Variants in ZFHX3 observed in about 807,000 individuals in gnomAD.
ZFHX3 encodes the protein zinc finger homeobox protein 3.
A neutral mutation model predicts 279.1 loss-of-function variants in ZFHX3; 42 were observed. The observed-to-expected ratio is 0.15, with a 90% CI of 0.12 to 0.19. ZFHX3 has a LOEUF of 0.19. ZFHX3 is among the 10% of genes least tolerant of loss of function. ZFHX3 has a pLI of 1.00. For synonymous variants in ZFHX3, 2,293 were observed against 1,957.8 expected (o/e 1.17, Z -4.52); for missense variants, 4,981 against 4,754.0 (o/e 1.05, Z -1.40).
chr16:73,223,175 C>T (rs1352224633), intron 5 of ZFHX3, among the ~76,000 whole-genome samples: 1 of 152,010 alleles, frequency 6.6e-6, no homozygotes, highest in Non-Finnish European at 1.5e-5. Context: ...GACTTTTTAG[C>T]TATAACCCCA....
At chr16:72,872,507 G>C (rs2038188965) in intron 4 of ZFHX3, among the ~76,000 whole-genome samples, 1 of 152,124 alleles carries the variant, frequency 6.6e-6, no homozygotes, top group Non-Finnish European at 1.5e-5. Flanking sequence ...ATCCAGGCTG[G>C]AGCACAGTGG....
chr16:73,743,065 C>T (rs560552329), intron 1 of ZFHX3, among the ~76,000 whole-genome samples: 3 of 152,224 alleles, frequency 2.0e-5, no homozygotes, highest in African/African-American at 7.2e-5. Context: ...GACTTGTTTC[C>T]ACACATAAAG....
At chr16:73,523,347 A>C (rs924262821) in intron 2 of ZFHX3, among the ~76,000 whole-genome samples, 44 of 152,292 alleles carry the variant, frequency 2.9e-4, no homozygotes, top group African/African-American at 1.1e-3. Flanking sequence ...GTGGTTTCTG[A>C]ACTCATGACC....
chr16:73,694,575 C>G (rs111311583), intron 1 of ZFHX3, among the ~76,000 whole-genome samples: 2 of 152,104 alleles, frequency 1.3e-5, no homozygotes, highest in African/African-American at 4.8e-5. Context: ...AACTCCCGAC[C>G]TCGTGATCCA....
At chr16:73,308,741 G>C (rs1183710708) in intron 4 of ZFHX3, among the ~76,000 whole-genome samples, 1 of 151,960 alleles carries the variant, frequency 6.6e-6, no homozygotes, top group Admixed American at 6.6e-5. Flanking sequence ...CCATTTTTGA[G>C]AAGACATATG....
intron 5 of ZFHX3, among the ~76,000 whole-genome samples, chr16:72,814,169 G>A (rs1411135181): frequency 6.6e-6 from 1 of 152,072 alleles, no homozygotes; most frequent in Non-Finnish European, 1.5e-5. Flanking sequence ...TAGGCTCAGG[G>A]TATATATAGT....
At position 72,794,373 on chromosome 16, in the gene ZFHX3, A is replaced by G. The variant is rs766358069; in HGVS notation, c.8309T>C (p.Phe2770Ser). The G allele has an allele frequency of 4.4e-6, 7 of 1,602,750 alleles. No homozygotes were observed. ...MKGDIFDGTS[F>S]SHLPPSSSDG... ...ACTACTGCTTGGGGGTAGGTGGGAA[A>G]AGCTAGTTCCGTCAAAAATATCTCC... The change falls in exon 9 of 10, where the codon TTT becomes TCT. Residue 2770 changes from phenylalanine (F) to serine (S), a missense_variant. Transcript: ENST00000268489. The surrounding 1 kb of genome is among the most constrained non-coding windows in gnomAD (Gnocchi z 4.2).
intron 3 of ZFHX3, among the ~76,000 whole-genome samples, chr16:72,948,246 T>C (rs1379579380): frequency 6.6e-6 from 1 of 152,222 alleles, no homozygotes; most frequent in Non-Finnish European, 1.5e-5. Flanking sequence ...AACCTCAGGC[T>C]GGTCACTCCG....
At chr16:73,802,967 G>A (rs1473048413) in intron 1 of ZFHX3, among the ~76,000 whole-genome samples, 1 of 152,032 alleles carries the variant, frequency 6.6e-6, no homozygotes, top group Non-Finnish European at 1.5e-5. Context: ...ACAGGCACAC[G>A]CCACCACACC....
chr16:73,273,549 G>A (rs953047408), intron 4 of ZFHX3, among the ~76,000 whole-genome samples: 8 of 151,864 alleles, frequency 5.3e-5, no homozygotes, highest in Non-Finnish European at 1.0e-4. Flanking sequence ...TTTTCTTTAC[G>A]CAAAGGACTC....
chr16:73,054,629 G>A (rs765607013), intron 1 of ZFHX3, among the ~76,000 whole-genome samples: 1 of 152,026 alleles, frequency 6.6e-6, no homozygotes, highest in Non-Finnish European at 1.5e-5. Flanking sequence ...GAGAGGGGTA[G>A]CTTATTTTAA....
chr16:73,247,243 T>C (rs919464172), intron 5 of ZFHX3, among the ~76,000 whole-genome samples: 14 of 151,896 alleles, frequency 9.2e-5, no homozygotes, highest in Non-Finnish European at 1.9e-4. Flanking sequence ...TATGTACCTG[T>C]ATGTGGAGTA....
chr16:73,742,691 C>A (rs536050796), intron 1 of ZFHX3, among the ~76,000 whole-genome samples: 1 of 152,152 alleles, frequency 6.6e-6, no homozygotes, highest in Non-Finnish European at 1.5e-5. Context: ...GAGCAAGTAA[C>A]CACTGCAAAA....
chr16:72,962,508 G>A (rs560385778), intron 1 of ZFHX3, among the ~76,000 whole-genome samples: 82 of 152,306 alleles, frequency 5.4e-4, no homozygotes, highest in African/African-American at 1.8e-3. Context: ...GACACGGGTC[G>A]GAGAGGAGGA....
chr16:73,685,607 A>G (rs2053074517), intron 1 of ZFHX3, among the ~76,000 whole-genome samples: 1 of 152,244 alleles, frequency 6.6e-6, no homozygotes, highest in South Asian at 2.1e-4. Context: ...TTAAGCCACC[A>G]AGTTTGCGGT....
chr16:73,086,948 T>C (rs1055586438), intron 8 of ZFHX3, among the ~76,000 whole-genome samples: 5 of 151,676 alleles, frequency 3.3e-5, no homozygotes, highest in African/African-American at 1.2e-4. Context: ...AACAACAAAA[T>C]AGCCAGAAGA....
At chr16:73,791,617 G>A (rs534902319) in intron 1 of ZFHX3, among the ~76,000 whole-genome samples, 1 of 151,786 alleles carries the variant, frequency 6.6e-6, no homozygotes, top group South Asian at 2.1e-4. Flanking sequence ...TAGAGATGGG[G>A]TTTCACCATG....
Position 73,246,254 on chromosome 16 carries a change from G to A in ZFHX3, c.-1104+10793C>T, listed in dbSNP as rs146887193. On this transcript the variant is annotated intron_variant, in intron 5 of 17. Transcript: ENST00000641206. ...AGGAGTGAACCATCCTGAACACCAA[G>A]CATGGCTGGCAGCATCAGGTGAGTG... 3.3e-3 allele frequency among the ~76,000 whole-genome samples: 505 copies of A among 152,212 alleles called. 1 individual carries two copies. Among genetic ancestry groups the A allele is most frequent in the African/African-American group, 0.011 (444 of 41,530 alleles).
chr16:73,175,154 C>T (rs927106735), intron 5 of ZFHX3, among the ~76,000 whole-genome samples: 14 of 150,436 alleles, frequency 9.3e-5, no homozygotes, highest in Admixed American at 2.6e-4. Context: ...CTGAGGCGGG[C>T]GGATTACTTG....
Sources: gnomAD v4.1 joint callset for allele counts (sites outside exome capture counted in the v4.1 genomes callset) on GRCh38, gnomAD v4.1.1 for gene constraint, Gnocchi (gnomAD v3.1) non-coding constraint, MANE v1.5 for transcripts, NCBI Gene and HGNC (gene_info 2026-07-23, HGNC 2026-07-21) for gene names.